Variants in DNAI1 observed in about 807,000 individuals in gnomAD.
DNAI1 encodes dynein axonemal intermediate chain 1, also known as dynein, axonemal, intermediate polypeptide 1.
DNAI1 carries 67 observed loss-of-function variants against 92.0 expected under a neutral mutation model. The observed-to-expected ratio is 0.73, with a 90% CI of 0.60 to 0.89. The LOEUF (loss-of-function observed/expected upper bound fraction) is 0.89. Ranked by LOEUF, DNAI1 falls within the 40% of genes least tolerant of loss-of-function variation. The pLI, the probability that DNAI1 is intolerant of heterozygous loss-of-function variation, is 0.00. For synonymous variants in DNAI1, 323 were observed against 319.6 expected (o/e 1.01, Z -0.11); for missense variants, 839 against 866.6 (o/e 0.97, Z 0.40).
At chr9:34,493,987 G>C (rs1824666172) in intron 9 of DNAI1, among the ~76,000 whole-genome samples, 1 of 152,170 alleles carries the variant, frequency 6.6e-6, no homozygotes, top group African/African-American at 2.4e-5. Flanking sequence ...ACTGAAGGGA[G>C]GGTCGCCACA....
At position 34,485,215 on chromosome 9, in the gene DNAI1, CT is replaced by C. The variant is rs1060503495; in HGVS notation, c.156del (p.Asp53ThrfsTer5). Reference protein sequence around the residue: ...WAQSKATVRPPDQLELTDAEL... With the variant: ...WAQSKATVRPXDQLELTDAEL... ...CAATCCAAAGCCACAGTTAGACCCC[CT>C]GACCAGCTGGAGTTGACCGATGCGG... On this transcript the variant is annotated frameshift_variant, in exon 3 of 20. Coordinates refer to ENST00000242317, the MANE Select transcript of DNAI1 (RefSeq NM_012144.4). LOFTEE classifies it high-confidence loss of function. The C allele has an allele frequency of 3.7e-6, 6 of 1,614,204 alleles. No individual in the cohort carries two copies. In the South Asian group the frequency reaches 5.5e-5, roughly 15 times the overall value.
chr9:34,505,642 G>A (rs1824911893), intron 12 of DNAI1, among the ~76,000 whole-genome samples: 1 of 152,196 alleles, frequency 6.6e-6, no homozygotes, highest in Admixed American at 6.5e-5. Context: ...GCCAGTCCTG[G>A]GCTAGACTCA....
rs747121305 is a variant in DNAI1 at position 34,500,844 on chromosome 9, G to C, written c.1019+5G>C. The stretch of plus-strand genomic sequence containing the variant: ...GTCCGTCACTGCCCTCTGCTGGTAA[G>C]TATAGGCATTGCAGCAAATGCAGAG... On this transcript the variant is annotated splice_donor_5th_base_variant and intron_variant, in intron 11 of 19. Coordinates refer to ENST00000242317, the MANE Select transcript of DNAI1 (RefSeq NM_012144.4). The C allele has an allele frequency of 6.2e-6, 10 of 1,611,418 alleles. No individual in the cohort carries two copies. The Admixed American group carries it at 6.7e-5, about 11-fold the overall frequency.
chr9:34,498,288 A>G (rs1028065670), intron 10 of DNAI1, among the ~76,000 whole-genome samples: 4 of 152,242 alleles, frequency 2.6e-5, no homozygotes, highest in Non-Finnish European at 5.9e-5. Flanking sequence ...TGACAGCCAC[A>G]CTGTGAGGTG....
chr9:34,511,633 C>T lies in DNAI1; in HGVS notation c.1312-476C>T, dbSNP rs1264025031. Among the ~76,000 whole-genome samples, 11 of 152,290 alleles carry T rather than the reference C, an allele frequency of 7.2e-5. No individual in the cohort carries two copies. In the East Asian group the frequency reaches 1.9e-3, roughly 27 times the overall value. ...ATACTTCATATGTGCAATGTTCTGA[C>T]GTAAGGGCTTCACATATAGTATCTC... On this transcript the variant is annotated intron_variant, in intron 13 of 19. Coordinates refer to ENST00000242317, the MANE Select transcript of DNAI1 (RefSeq NM_012144.4).
At chr9:34,495,198 A>T (rs564845411) in intron 9 of DNAI1, among the ~76,000 whole-genome samples, 1 of 152,342 alleles carries the variant, frequency 6.6e-6, no homozygotes, top group Admixed American at 6.5e-5. Context: ...AAGTTCAGTG[A>T]GAACTAATAA....
At chr9:34,511,145 G>A (rs1825057945) in intron 13 of DNAI1, among the ~76,000 whole-genome samples, 1 of 152,184 alleles carries the variant, frequency 6.6e-6, no homozygotes, top group South Asian at 2.1e-4. Context: ...TGGGCGGTCT[G>A]GAGGGAGCTA....
intron 12 of DNAI1, among the ~76,000 whole-genome samples, chr9:34,506,353 C>T (rs1451248708): frequency 6.6e-6 from 1 of 152,216 alleles, no homozygotes; most frequent in Admixed American, 6.5e-5. Context: ...TTTGAGCCAG[C>T]ATCCCCCTTT....
In DNAI1 at chr9:34,512,404, G is replaced by C. The variant is rs377174043; in HGVS notation, c.1469G>C (p.Gly490Ala). Residue 490 changes from glycine (G) to alanine (A), a missense_variant, in exon 15 of 20, where the codon GGG (glycine) becomes GCG (alanine). Physicochemically the swap from Gly to Ala is moderately conservative, Grantham distance 60 (BLOSUM62 0). Coordinates refer to ENST00000242317, the MANE Select transcript of DNAI1 (RefSeq NM_012144.4). ...VEGSTTEVPE[G>A]LQLHPVGCGT... ...GGCAGCACCACGGAAGTTCCTGAGGGGTTGCAGCTGCACCCAGTGGGTAGG... is the reference window on the plus strand; with the variant it reads ...GGCAGCACCACGGAAGTTCCTGAGGCGTTGCAGCTGCACCCAGTGGGTAGG... 3 of 1,614,140 alleles carry C rather than the reference G, an allele frequency of 1.9e-6. No individual in the cohort carries two copies. Among genetic ancestry groups the C allele is most frequent in the Non-Finnish European group, 2.5e-6 (3 of 1,180,016 alleles).
chr9:34,487,258 T>C (rs544576084), intron 4 of DNAI1, among the ~76,000 whole-genome samples: 6 of 151,926 alleles, frequency 3.9e-5, no homozygotes, highest in Non-Finnish European at 7.4e-5. Flanking sequence ...CAATCTCGCC[T>C]CACTGCAAGC....
chr9:34,475,409 G>A (rs2132048377), intron 1 of DNAI1, among the ~76,000 whole-genome samples: 1 of 152,298 alleles, frequency 6.6e-6, no homozygotes. Flanking sequence ...TTGAACTCTT[G>A]AGCAGAGATG....
intron 1 of DNAI1, among the ~76,000 whole-genome samples, chr9:34,467,400 C>T (rs956497509): frequency 6.0e-5 from 9 of 151,096 alleles, no homozygotes; most frequent in African/African-American, 2.2e-4. Context: ...GAGTTTGAGA[C>T]CAGCCTGGAC....
rs761542255 is a variant in DNAI1 at position 34,490,109 on chromosome 9, T to C, written c.486T>C (p.Asp162=). 1 of 1,614,036 alleles carries C rather than the reference T, an allele frequency of 6.2e-7. No homozygotes were observed. The highest frequency in any genetic ancestry group is 1.7e-5 in the Admixed American group (1 of 60,014). The change falls in exon 6 of 20, where the codon GAT becomes GAC. Residue 162 remains aspartate, a synonymous_variant. Transcript: ENST00000242317. ...ELETEPGSQT[D]VPAAGAAEKV... Reference sequence around the variant, plus strand: ...AAACTGAGCCTGGGAGTCAAACAGATGTGCCTGCAGCTGGGGTACAGTATA... The same window carrying C: ...AAACTGAGCCTGGGAGTCAAACAGACGTGCCTGCAGCTGGGGTACAGTATA...
chr9:34,490,310 C>G (rs1187406856), intron 6 of DNAI1, 59 bp from the exon 7 acceptor site: 30 of 1,613,878 alleles, frequency 1.9e-5, no homozygotes, highest in Non-Finnish European at 2.5e-5. Context: ...TGCCCCATCT[C>G]CCGGTTTTCT....
rs965349381 is a variant in DNAI1 at position 34,468,921 on chromosome 9, C to T, written c.48+9868C>T. Reference sequence around the variant, plus strand: ...TAATAAAAGAGAGGGCCTTTGTGAGCTATGGAATATATTATATATGTATTT... The same window carrying T: ...TAATAAAAGAGAGGGCCTTTGTGAGTTATGGAATATATTATATATGTATTT... On this transcript the variant is annotated intron_variant, in intron 1 of 19. Coordinates refer to ENST00000242317, the MANE Select transcript of DNAI1 (RefSeq NM_012144.4). 8.0e-4 allele frequency among the ~76,000 whole-genome samples: 121 copies of T among 151,712 alleles called. 1 individual carries two copies. The highest frequency in any genetic ancestry group is 1.6e-4 in the Non-Finnish European group (11 of 67,996).
intron 13 of DNAI1, among the ~76,000 whole-genome samples, chr9:34,508,419 T>C (rs1043187922): frequency 3.9e-5 from 6 of 152,140 alleles, no homozygotes; most frequent in East Asian, 3.9e-4. Context: ...AGACCAGAGG[T>C]TGCAGCCTCA....
At position 34,520,688 on chromosome 9, in the gene DNAI1, C is replaced by A; in HGVS notation, c.2032C>A (p.Pro678Thr). The change falls in exon 20 of 20, where the codon CCA becomes ACA. Residue 678 changes from proline (P) to threonine (T), a missense_variant. Coordinates refer to ENST00000242317, the MANE Select transcript of DNAI1 (RefSeq NM_012144.4). ...GAAGGGGCAGGAGGTGCAGAAGGGT[C>A]CAGCTGTGGAGATTGCGAAACTGGA... ...EKKGQEVQKG[P>T]AVEIAKLDKL... is the part of the protein sequence containing the mutation. 6.4e-7 allele frequency: 1 copy of A among 1,551,638 alleles called. No homozygotes were observed. The highest frequency in any genetic ancestry group is 2.4e-5 in the East Asian group (1 of 40,926).
At chr9:34,508,487 A>G (rs1178434120) in intron 13 of DNAI1, among the ~76,000 whole-genome samples, 1 of 152,172 alleles carries the variant, frequency 6.6e-6, no homozygotes, top group Admixed American at 6.5e-5. Context: ...TTCCAGACAC[A>G]TGTAGGTCTC....
chr9:34,511,184 C>T (rs1217575835), intron 13 of DNAI1, among the ~76,000 whole-genome samples: 1 of 152,184 alleles, frequency 6.6e-6, no homozygotes, highest in Non-Finnish European at 1.5e-5. Context: ...GCACCCAGCC[C>T]CACCCCAGCT....
Sources: gnomAD v4.1 joint callset for allele counts (sites outside exome capture counted in the v4.1 genomes callset) on GRCh38, gnomAD v4.1.1 for gene constraint, MANE v1.5 for transcripts, NCBI Gene and HGNC (gene_info 2026-07-23, HGNC 2026-07-21) for gene names.